Variants in SLC30A8 observed in about 807,000 individuals in gnomAD.
The protein encoded by SLC30A8 is solute carrier family 30 member 8.
A neutral mutation model predicts 36.9 loss-of-function variants in SLC30A8; 27 were observed. The observed-to-expected ratio is 0.73, with a 90% CI of 0.54 to 1.01. The LOEUF (loss-of-function observed/expected upper bound fraction) is 1.01, where lower values mean the gene tolerates loss of function less well. Among genes scored for constraint, SLC30A8 ranks in the 50% least tolerant of loss-of-function variants. SLC30A8 has a pLI of 0.00. For synonymous variants in SLC30A8, 164 were observed against 172.4 expected, an observed-to-expected ratio of 0.95 and a Z score of 0.38; for missense variants, 439 against 452.0, an observed-to-expected ratio of 0.97 and a Z score of 0.26.
intron 3 of SLC30A8, among the ~76,000 whole-genome samples, chr8:117,156,225 T>C (rs1489471219): frequency 1.3e-5 from 2 of 152,044 alleles, no homozygotes; most frequent in Non-Finnish European, 1.5e-5. Flanking sequence ...GTATTTTTAG[T>C]AGAGATGGGG....
intron 2 of SLC30A8, among the ~76,000 whole-genome samples, chr8:117,073,263 T>A (rs1465284417): frequency 6.6e-6 from 1 of 151,736 alleles, no homozygotes; most frequent in Non-Finnish European, 1.5e-5. Context: ...TTTCACTTTT[T>A]TTTTTTTTTT....
At position 117,155,305 on chromosome 8, in the gene SLC30A8, G is replaced by A. The variant is rs1822420072; in HGVS notation, c.418+2215G>A. On this transcript the variant is annotated intron_variant, in intron 3 of 7. Transcript: ENST00000456015. ...TTCCCACTGTGCTTCCTAATCATGG[G>A]TTTTGAGTTAGACACACTCCACTTT... is the stretch of plus-strand genomic sequence containing the variant. 2.0e-5 allele frequency among the ~76,000 whole-genome samples: 3 copies of A among 152,034 alleles called. 1 individual carries two copies. The highest frequency in any genetic ancestry group is 4.1e-4 in the South Asian group (2 of 4,824).
chr8:117,154,014 C>T (rs1822338708), intron 3 of SLC30A8, among the ~76,000 whole-genome samples: 2 of 152,080 alleles, frequency 1.3e-5, no homozygotes, highest in African/African-American at 2.4e-5. Context: ...AATAACTTAA[C>T]CAAGTAGCAT....
At chr8:117,054,260 G>A (rs147025562) in intron 2 of SLC30A8, among the ~76,000 whole-genome samples, 2 of 152,080 alleles carry the variant, frequency 1.3e-5, no homozygotes, top group South Asian at 2.1e-4. Flanking sequence ...TACCGCACCT[G>A]GCTATTTTTA....
chr8:117,160,403 T>TTGTG (rs71569723), intron 4 of SLC30A8, among the ~76,000 whole-genome samples: 14,549 of 145,830 alleles, frequency 0.1, 880 homozygotes, highest in Non-Finnish European at 0.14. Context: ...AATTTTCCAC[T>TTGTG]TGTGTGTGTG....
intron 2 of SLC30A8, among the ~76,000 whole-genome samples, chr8:117,091,217 C>T (rs901647267): frequency 1.3e-5 from 2 of 152,114 alleles, no homozygotes; most frequent in Non-Finnish European, 2.9e-5. Flanking sequence ...GACAGAAAGC[C>T]AAGGCTCTCT....
chr8:116,977,260 T>C (rs1257538397), intron 1 of SLC30A8, among the ~76,000 whole-genome samples: 1 of 138,902 alleles, frequency 7.2e-6, no homozygotes, highest in Non-Finnish European at 1.5e-5. Flanking sequence ...GCCATTCTCC[T>C]GCCTCAGCCA....
At chr8:116,965,328 G>A (rs13269857) in intron 1 of SLC30A8, among the ~76,000 whole-genome samples, 35,759 of 152,214 alleles carry the variant, frequency 0.23, 5,011 homozygotes, top group Non-Finnish European at 0.31. Flanking sequence ...CTGAAGGATA[G>A]TTGATTCTAA....
intron 1 of SLC30A8, among the ~76,000 whole-genome samples, chr8:117,032,496 A>G (rs1031476253): frequency 1.3e-5 from 2 of 152,250 alleles, no homozygotes; most frequent in Non-Finnish European, 2.9e-5. Flanking sequence ...ACCTTATGCT[A>G]TTCCTCACAT....
At chr8:117,080,299 G>A (rs115965047) in intron 2 of SLC30A8, among the ~76,000 whole-genome samples, 1,784 of 151,878 alleles carry the variant, frequency 0.012, 51 homozygotes, top group African/African-American at 0.041. Flanking sequence ...AACATTTGGC[G>A]CATACCTTTT....
chr8:117,127,887 G>A (rs1260411821), intron 2 of SLC30A8, among the ~76,000 whole-genome samples: 1 of 152,064 alleles, frequency 6.6e-6, no homozygotes, highest in East Asian at 1.9e-4. Flanking sequence ...AATGCTGTGT[G>A]ACATGTTGCT....
intron 2 of SLC30A8, among the ~76,000 whole-genome samples, chr8:117,089,846 C>T (rs888150491): frequency 1.2e-4 from 19 of 152,276 alleles, no homozygotes; most frequent in African/African-American, 4.3e-4. Context: ...CATTGCTTAC[C>T]TCTCCCTTTT....
intron 2 of SLC30A8, among the ~76,000 whole-genome samples, chr8:117,107,750 A>C (rs1320450831): frequency 6.6e-6 from 1 of 152,156 alleles, no homozygotes; most frequent in Non-Finnish European, 1.5e-5. Flanking sequence ...TCAGGTAAAA[A>C]CCAGTAATAA....
At chr8:117,076,812 A>C (rs1163421800) in intron 2 of SLC30A8, among the ~76,000 whole-genome samples, 1 of 151,742 alleles carries the variant, frequency 6.6e-6, no homozygotes, top group Non-Finnish European at 1.5e-5. Context: ...CCTGGCAAAG[A>C]GGAGGAATTA....
In SLC30A8 at chr8:117,018,675, C is replaced by CTT. The variant is rs34426153; in HGVS notation, c.-265-20534_-265-20533dup. ...CCAAATCTGACTAGCCCCCCCCCCC[C>CTT]TTTTTTTTTTTGATGGAGTCTTGTT... is the stretch of plus-strand genomic sequence containing the variant. On this transcript the variant is annotated intron_variant, in intron 1 of 10. Transcript: ENST00000427715. Among the ~76,000 whole-genome samples, 286 of 105,322 alleles carry CTT rather than the reference C, an allele frequency of 2.7e-3. 4 individuals carry two copies. The highest frequency in any genetic ancestry group is 7.4e-3 in the South Asian group (20 of 2,716). The allele number at this position is 105,322 out of a possible 152,430, so 69.1% of individuals were successfully genotyped here. A position where few individuals can be genotyped will look rare whatever the true frequency, so the allele number is the denominator to read the frequency against.
intron 1 of SLC30A8, 76 bp from the exon 2 acceptor site, chr8:117,146,878 G>T (rs1028726439): frequency 6.3e-7 from 1 of 1,591,816 alleles, no homozygotes; most frequent in African/African-American, 1.3e-5. Context: ...GCGGTTCCAA[G>T]TATGGGCAGG....
chr8:117,143,558 T>G (rs969515689), intron 1 of SLC30A8, among the ~76,000 whole-genome samples: 1 of 152,104 alleles, frequency 6.6e-6, no homozygotes, highest in African/African-American at 2.4e-5. Flanking sequence ...GACTTGACTT[T>G]AATGAGATGA....
intron 1 of SLC30A8, among the ~76,000 whole-genome samples, chr8:117,021,465 G>A (rs775372742): frequency 6.6e-6 from 1 of 152,122 alleles, no homozygotes; most frequent in Non-Finnish European, 1.5e-5. Flanking sequence ...AACAAAAACT[G>A]CAAGATTTTA....
At chr8:117,162,501 CAAAT>C (rs947498522) in intron 5 of SLC30A8, among the ~76,000 whole-genome samples, 4 of 152,064 alleles carry the variant, frequency 2.6e-5, no homozygotes, top group Non-Finnish European at 5.9e-5. Context: ...TGACCCTAAA[CAAAT>C]AAATATCCAC....
Sources: gnomAD v4.1 joint callset for allele counts (sites outside exome capture counted in the v4.1 genomes callset) on GRCh38, gnomAD v4.1.1 for gene constraint, MANE v1.5 for transcripts, NCBI Gene and HGNC (gene_info 2026-07-23, HGNC 2026-07-21) for gene names.